ST6GAL2: variants seen among roughly 807,000 people sequenced by gnomAD.
The protein encoded by ST6GAL2 is beta-galactoside alpha-2,6-sialyltransferase 2.
Under a neutral mutation model 37.5 loss-of-function variants are expected in ST6GAL2, and 24 were observed. That is an observed-to-expected ratio of 0.64 (90% CI 0.46 to 0.90). The LOEUF is 0.90. ST6GAL2 is among the 40% of genes least tolerant of loss of function. The pLI, the probability that ST6GAL2 is intolerant of heterozygous loss-of-function variation, is 0.00. For missense variants in ST6GAL2, 715 were observed against 712.7 expected (o/e 1.00, Z -0.04); for synonymous variants, 306 against 295.1 (o/e 1.04, Z -0.38).
At chr2:106,845,303 A>C (rs953016852) in intron 1 of ST6GAL2, among the ~76,000 whole-genome samples, 1 of 152,176 alleles carries the variant, frequency 6.6e-6, no homozygotes, top group African/African-American at 2.4e-5. Flanking sequence ...ATGCTGTATA[A>C]AAAATAGGGA....
At chr2:106,814,245 A>G (rs1432079288) in intron 5 of ST6GAL2, among the ~76,000 whole-genome samples, 2 of 152,216 alleles carry the variant, frequency 1.3e-5, no homozygotes, top group African/African-American at 4.8e-5. Flanking sequence ...CAAAACTGTG[A>G]CACATTTGAC....
At position 106,843,576 on chromosome 2, in the gene ST6GAL2, A is replaced by G; in HGVS notation, c.402T>C (p.Ala134=). 1 of 1,614,060 alleles carries G rather than the reference A, an allele frequency of 6.2e-7. No homozygotes were observed. The highest frequency in any genetic ancestry group is 1.1e-5 in the South Asian group (1 of 91,092). The change falls in exon 2 of 6, where the codon GCT becomes GCC. Residue 134 remains alanine, a synonymous_variant. Transcript: ENST00000409382. ...GGCTGTGCCACCCTGGCTGACCAGCAGCAAAAAAGTAGTCGTCATCCTCCG... is the reference window on the plus strand; with the variant it reads ...GGCTGTGCCACCCTGGCTGACCAGCGGCAAAAAAGTAGTCGTCATCCTCCG... The part of the protein sequence containing the change: ...FYPEDDDYFF[A]AGQPGWHSHT...
chr2:106,817,481 C>T (rs983711461), intron 5 of ST6GAL2, among the ~76,000 whole-genome samples: 1 of 152,204 alleles, frequency 6.6e-6, no homozygotes, highest in Non-Finnish European at 1.5e-5. Context: ...AGAAGGGAAC[C>T]TGCTTCATGG....
At chr2:106,862,506 G>T (rs1388166420) in intron 1 of ST6GAL2, among the ~76,000 whole-genome samples, 2 of 151,982 alleles carry the variant, frequency 1.3e-5, no homozygotes, top group Non-Finnish European at 2.9e-5. Flanking sequence ...AACAGCGTAG[G>T]CTTATTACTT....
At chr2:106,811,869 C>T (rs781187763) in intron 5 of ST6GAL2, among the ~76,000 whole-genome samples, 22 of 152,042 alleles carry the variant, frequency 1.4e-4, no homozygotes, top group Admixed American at 3.9e-4. Flanking sequence ...CAAAATGATA[C>T]GAAGCAAAAT....
At chr2:106,823,484 CACAG>C (rs1165042444) in intron 5 of ST6GAL2, among the ~76,000 whole-genome samples, 93 of 96,532 alleles carry the variant, frequency 9.6e-4, no homozygotes, top group Middle Eastern at 4.6e-3. Context: ...CACACACACA[CACAG>C]AGAGAGAGAG....
At chr2:106,854,010 G>A (rs1038265177) in intron 1 of ST6GAL2, among the ~76,000 whole-genome samples, 8 of 152,176 alleles carry the variant, frequency 5.3e-5, no homozygotes, top group South Asian at 2.1e-4. Context: ...CTGTAAATTC[G>A]CTTCAGTCCT....
At chr2:106,881,131 G>A (rs1678733046) in intron 1 of ST6GAL2, among the ~76,000 whole-genome samples, 1 of 152,092 alleles carries the variant, frequency 6.6e-6, no homozygotes, top group South Asian at 2.1e-4. Flanking sequence ...GACTACAGGT[G>A]CATGCCCTCA....
chr2:106,807,227 A>G (rs1392571874), intron 5 of ST6GAL2, among the ~76,000 whole-genome samples: 1 of 152,176 alleles, frequency 6.6e-6, no homozygotes, highest in Non-Finnish European at 1.5e-5. Context: ...AAAAGAAGTC[A>G]GTGAACTTGA....
chr2:106,870,539 C>T (rs1678221473), intron 1 of ST6GAL2, among the ~76,000 whole-genome samples: 2 of 152,106 alleles, frequency 1.3e-5, no homozygotes, highest in Admixed American at 1.3e-4. Context: ...AATAAACAAG[C>T]AGAACACCAA....
At chr2:106,886,587 G>A (rs1333276161), upstream of ST6GAL2, 5 of 151,840 alleles carry the variant, frequency 3.3e-5, no homozygotes, top group Non-Finnish European at 7.4e-5. Context: ...GCGGCCAGAG[G>A]AACCGCGGCC....
At chr2:106,812,870 G>A (rs904652143) in intron 5 of ST6GAL2, among the ~76,000 whole-genome samples, 4 of 152,062 alleles carry the variant, frequency 2.6e-5, no homozygotes, top group African/African-American at 9.7e-5. Context: ...ATTCAGTAAA[G>A]GACAGCTTTT....
At position 106,811,402 on chromosome 2, in the gene ST6GAL2, G is replaced by A. The variant is rs72826096; in HGVS notation, c.1319-4453C>T. ...GGGAGTAGATACTGCAGGCAGACAG[G>A]ACGGGGACAGGATTAGGGAAGAATA... On this transcript the variant is annotated intron_variant, in intron 5 of 5. Coordinates refer to ENST00000409382, the MANE Select transcript of ST6GAL2 (RefSeq NM_001142351.2). Among the ~76,000 whole-genome samples, 91 of 152,272 alleles carry A rather than the reference G, an allele frequency of 6.0e-4. 1 individual carries two copies. Among genetic ancestry groups the A allele is most frequent in the Admixed American group, 9.8e-4 (15 of 15,292 alleles).
chr2:106,839,974 A>G (rs1676807949), intron 2 of ST6GAL2, among the ~76,000 whole-genome samples: 1 of 152,176 alleles, frequency 6.6e-6, no homozygotes, highest in South Asian at 2.1e-4. Context: ...CCATTGTGTG[A>G]CCCAGTTCCA....
At chr2:106,859,857 A>G (rs1474013466) in intron 1 of ST6GAL2, among the ~76,000 whole-genome samples, 2 of 151,608 alleles carry the variant, frequency 1.3e-5, no homozygotes, top group Non-Finnish European at 2.9e-5. Context: ...TCAACCCTCC[A>G]TTATTCTTCC....
At chr2:106,884,908 T>TATATATATATATATATAC (rs1282985721) in intron 1 of ST6GAL2, among the ~76,000 whole-genome samples, 1 of 96,850 alleles carries the variant, frequency 1.0e-5, no homozygotes, top group Admixed American at 9.3e-5. Context: ...TTGCAGCGCA[T>TATATATATATATATATAC]ATATATATAT....
chr2:106,803,598 A>C lies in ST6GAL2; in HGVS notation c.*3080T>G, dbSNP rs1180843305. 7.0e-6 allele frequency: 1 copy of C among 143,194 alleles called. No individual in the cohort carries two copies. The highest frequency in any genetic ancestry group is 1.5e-5 in the Non-Finnish European group (1 of 66,556). 8.9% of individuals were successfully genotyped at this position (143,194 alleles called of 1,614,324 possible). On this transcript the variant is annotated 3_prime_UTR_variant, in exon 6 of 6. Coordinates refer to ENST00000409382, the MANE Select transcript of ST6GAL2 (RefSeq NM_001142351.2). ...TGGTTGAATTGTCATTGCTGCTCAA[A>C]ATTTGTTTCTTTGTAACAACAACAA...
intron 1 of ST6GAL2, among the ~76,000 whole-genome samples, chr2:106,852,426 C>G (rs1391223445): frequency 6.6e-6 from 1 of 152,216 alleles, no homozygotes; most frequent in Non-Finnish European, 1.5e-5. Context: ...AAGTTTAAAA[C>G]ACTGGCGGCT....
chr2:106,843,040 T>C lies in ST6GAL2; in HGVS notation c.938A>G (p.Glu313Gly). ...GTCCCCCCGCTGAGACCTACCTATTTCCTCGCCCAAGGAAGAGTTGAGGAT... is the reference window on the plus strand; with the variant it reads ...GTCCCCCCGCTGAGACCTACCTATTCCCTCGCCCAAGGAAGAGTTGAGGAT... Reference protein sequence around the residue: ...GAILNSSLGEEIDSHDAVLRF... With the variant: ...GAILNSSLGEGIDSHDAVLRF... Residue 313 changes from glutamate to glycine, a missense_variant, in exon 2 of 6, where the codon GAA becomes GGA. By Grantham distance (98) the Glu-to-Gly change is moderately conservative. Transcript: ENST00000409382. The C allele has an allele frequency of 7.0e-7, 1 of 1,422,782 alleles. No individual in the cohort carries two copies. Among genetic ancestry groups the C allele is most frequent in the South Asian group, 1.7e-5 (1 of 59,092 alleles). The allele number at this position is 1,422,782 out of a possible 1,614,324, so 88.1% of individuals were successfully genotyped here.
Sources: gnomAD v4.1 joint callset for allele counts (sites outside exome capture counted in the v4.1 genomes callset) on GRCh38, gnomAD v4.1.1 for gene constraint, MANE v1.5 for transcripts, NCBI Gene and HGNC (gene_info 2026-07-23, HGNC 2026-07-21) for gene names.